Variants in P4HA2 observed in about 807,000 individuals in gnomAD.
P4HA2 encodes the protein prolyl 4-hydroxylase subunit alpha 2, also known as prolyl 4-hydroxylase subunit alpha-2.
P4HA2 carries 46 observed loss-of-function variants against 76.9 expected under a neutral mutation model. The ratio of observed to expected loss-of-function variants is 0.60; its 90% CI spans 0.47 to 0.76. The LOEUF is 0.76. Among genes scored for constraint, P4HA2 ranks in the 30% least tolerant of loss-of-function variants. P4HA2 has a pLI of 0.00. For synonymous variants in P4HA2, 243 were observed against 254.0 expected (o/e 0.96, Z 0.41); for missense variants, 583 against 669.4 (o/e 0.87, Z 1.42).
chr5:132,219,926 A>G (rs1379054469), intron 1 of P4HA2, among the ~76,000 whole-genome samples: 1 of 152,214 alleles, frequency 6.6e-6, no homozygotes, highest in Non-Finnish European at 1.5e-5. Flanking sequence ...CTCTATCAGA[A>G]GGAAAGCATA....
chr5:132,211,006 G>C (rs1753010329), intron 5 of P4HA2, among the ~76,000 whole-genome samples: 1 of 151,942 alleles, frequency 6.6e-6, no homozygotes, highest in Admixed American at 6.5e-5. Context: ...ACTAAGGCCA[G>C]AGCTCCAGGG....
At chr5:132,210,253 C>A in intron 6 of P4HA2, 31 bp downstream of exon 6, 1 of 1,612,780 alleles carries the variant, frequency 6.2e-7, no homozygotes, top group Non-Finnish European at 8.5e-7. Context: ...ACTCTCCATT[C>A]CCATCTTACC....
intron 12 of P4HA2, chr5:132,195,823 C>T: frequency 2.7e-6 from 1 of 364,168 alleles, no homozygotes; most frequent in Non-Finnish European, 5.2e-6. Context: ...TTGGCCTTGC[C>T]TAAGCCACTG....
At chr5:132,223,664 T>C (rs1460321112) in intron 1 of P4HA2, among the ~76,000 whole-genome samples, 2 of 152,238 alleles carry the variant, frequency 1.3e-5, no homozygotes, top group Non-Finnish European at 2.9e-5. Flanking sequence ...CCTGGGAACA[T>C]AGTCTGAGAT....
At position 132,210,626 on chromosome 5, in the gene P4HA2, C is replaced by A. The variant is rs58877574; in HGVS notation, c.470-103G>T. The A allele has an allele frequency of 3.3e-5, 36 of 1,096,544 alleles. No homozygotes were observed. In the African/African-American group the frequency reaches 4.9e-4, roughly 15 times the overall value. The allele number at this position is 1,096,544 out of a possible 1,614,324, so 67.9% of individuals were successfully genotyped here. A position where few individuals can be genotyped will look rare whatever the true frequency, so the allele number is the denominator to read the frequency against. ...CTGAGCCACTGGATAGGGGGCATCACCAAGCAGAACTCCATCGGACATTTA... is the reference window on the plus strand; with the variant it reads ...CTGAGCCACTGGATAGGGGGCATCAACAAGCAGAACTCCATCGGACATTTA... On this transcript the variant is annotated intron_variant, in intron 5 of 14. Transcript: ENST00000360568.
intron 2 of P4HA2, 103 bp downstream of exon 2, chr5:132,218,442 T>C (rs1014935703): frequency 2.7e-6 from 2 of 742,716 alleles, no homozygotes; most frequent in Non-Finnish European, 4.6e-6. Flanking sequence ...CCAAAACCAG[T>C]AGTTAAGGCT....
chr5:132,203,341 G>A (rs1751771382), intron 10 of P4HA2: 1 of 175,758 alleles, frequency 5.7e-6, no homozygotes, highest in South Asian at 1.4e-4. Context: ...TTCAGCAGGA[G>A]AAAACACACA....
In P4HA2 at chr5:132,195,451, G is replaced by A. The variant is rs144114714; in HGVS notation, c.1395C>T (p.Thr465=). 12 of 1,613,354 alleles carry A rather than the reference G, an allele frequency of 7.4e-6. No homozygotes were observed. Among genetic ancestry groups the A allele is most frequent in the African/African-American group, 6.7e-5 (5 of 75,000 alleles). Residue 465 remains threonine (T), a synonymous_variant, in exon 13 of 15, where the codon ACC becomes ACT. Transcript: ENST00000360568. ...TTGCAGCCCCCAGATCAGGGAAGAC[G>A]GTGGCACCACCAGCTTCTACATCAC... ...YMSDVEAGGA[T]VFPDLGAAIW...
intron 2 of P4HA2, 42 bp from the exon 3 acceptor site, chr5:132,217,890 G>A: frequency 8.2e-7 from 1 of 1,219,966 alleles, no homozygotes; most frequent in Non-Finnish European, 1.2e-6. Context: ...AAACAGATGA[G>A]GGATGTCCAG....
intron 5 of P4HA2, among the ~76,000 whole-genome samples, chr5:132,211,186 G>A (rs1753038483): frequency 6.6e-6 from 1 of 152,238 alleles, no homozygotes; most frequent in South Asian, 2.1e-4. Context: ...TATCAGTTCA[G>A]TGGGTCTTAT....
Position 132,192,818 on chromosome 5 carries a change from T to C in P4HA2, c.*192A>G, listed in dbSNP as rs1001563728. On this transcript the variant is annotated 3_prime_UTR_variant, in exon 15 of 15. Transcript: ENST00000360568. Reference sequence around the variant, plus strand: ...TTGATCCTAGCCTTGGGGCCAGGGATGGCACAGGCTGAATGGAAGGGCTGG... The same window carrying C: ...TTGATCCTAGCCTTGGGGCCAGGGACGGCACAGGCTGAATGGAAGGGCTGG... The C allele has an allele frequency of 7.2e-6, 4 of 554,054 alleles. No individual in the cohort carries two copies. The South Asian group carries it at 7.9e-5, about 11-fold the overall frequency. The allele number at this position is 554,054 out of a possible 1,614,324, so 34.3% of individuals were successfully genotyped here.
Position 132,195,554 on chromosome 5 carries a change from C to T in P4HA2, c.1366-74G>A, listed in dbSNP as rs1479103826. 4.4e-6 allele frequency: 5 copies of T among 1,126,940 alleles called. No homozygotes were observed. In the East Asian group the frequency reaches 1.2e-4, roughly 27 times the overall value. The allele number at this position is 1,126,940 out of a possible 1,614,324, so 69.8% of individuals were successfully genotyped here. Reference sequence around the variant, plus strand: ...AGCAATTGAGCCACAAAGGACATGACAAGGTATATAGATTGCCCTCCTCTC... The same window carrying T: ...AGCAATTGAGCCACAAAGGACATGATAAGGTATATAGATTGCCCTCCTCTC... On this transcript the variant is annotated intron_variant, in intron 12 of 14. Coordinates refer to ENST00000360568, the MANE Select transcript of P4HA2 (RefSeq NM_001017974.2).
chr5:132,223,366 G>A (rs1271621190), intron 1 of P4HA2, among the ~76,000 whole-genome samples: 3 of 152,176 alleles, frequency 2.0e-5, no homozygotes, highest in Admixed American at 2.0e-4. Flanking sequence ...AGGTTCAAGG[G>A]ATTCTCCTGC....
In P4HA2 at chr5:132,198,890, C is replaced by T. The variant is rs1283527456; in HGVS notation, c.1294G>A (p.Asp432Asn). Residue 432 changes from aspartate to asparagine, a missense_variant, in exon 11 of 15, where the codon GAC becomes AAC. Physicochemically the swap from Asp to Asn is conservative, Grantham distance 23. Coordinates refer to ENST00000360568, the MANE Select transcript of P4HA2 (RefSeq NM_001017974.2). ...GVGGQYEPHF[D>N]FSRRPFDSGL... ...GATTTAGGCCTTACCCTAGAGAAGT[C>T]GAAGTGCGGTTCATACTGTCCTCCC... 4.3e-6 allele frequency: 7 copies of T among 1,611,776 alleles called. No homozygotes were observed. Among genetic ancestry groups the T allele is most frequent in the South Asian group, 1.1e-5 (1 of 91,032 alleles).
rs1233405888 is a variant in P4HA2, at chr5:132,192,952, G to C, written c.*58C>G. ...GGAACATACAAAGGAACATACAAAG[G>C]TGTCTGTCACGTTGACATGGGCTGA... is the stretch of plus-strand genomic sequence containing the variant. On this transcript the variant is annotated 3_prime_UTR_variant, in exon 15 of 15. Transcript: ENST00000360568. 1 of 1,053,814 alleles carries C rather than the reference G, an allele frequency of 9.5e-7. No homozygotes were observed. Among genetic ancestry groups the C allele is most frequent in the African/African-American group, 1.6e-5 (1 of 64,046 alleles). 65.3% of individuals were successfully genotyped at this position (1,053,814 alleles called of 1,614,324 possible).
At chr5:132,214,100 A>G in intron 4 of P4HA2, 47 bp from the exon 5 acceptor site, 1 of 1,596,256 alleles carries the variant, frequency 6.3e-7, no homozygotes, top group Non-Finnish European at 8.6e-7. Context: ...ATCCAGGGGC[A>G]GAATTCCACT....
Position 132,210,403 on chromosome 5 carries a change from T to C in P4HA2, c.590A>G (p.Asp197Gly). Residue 197 changes from aspartate to glycine, a missense_variant, in exon 6 of 15, where the codon GAT becomes GGT. Physicochemically the swap from Asp to Gly is moderately conservative, Grantham distance 94. Transcript: ENST00000360568. ...GGTTGTGGTGGCCTCCTCCCCGGCA[T>C]CAAGCTGCTTTAGCACCTGCTCCAT... ...LWMEQVLKQLDAGEEATTTKS... is the reference protein window; with the variant it reads ...LWMEQVLKQLGAGEEATTTKS... 1 of 1,614,166 alleles carries C rather than the reference T, an allele frequency of 6.2e-7. No homozygotes were observed. Among genetic ancestry groups the C allele is most frequent in the Non-Finnish European group, 8.5e-7 (1 of 1,180,026 alleles).
Position 132,214,172 on chromosome 5 carries a change from C to A in P4HA2, c.332-119G>T, listed in dbSNP as rs537767620. ...CTAGTGAAATTTCCCCGCCCCCTCCCTCAAAGGCTGTTGCCCCCTTCCACC... is the reference window on the plus strand; with the variant it reads ...CTAGTGAAATTTCCCCGCCCCCTCCATCAAAGGCTGTTGCCCCCTTCCACC... On this transcript the variant is annotated intron_variant, in intron 4 of 14. Transcript: ENST00000360568. 37 of 983,704 alleles carry A rather than the reference C, an allele frequency of 3.8e-5. No homozygotes were observed. In the Admixed American group the frequency reaches 8.6e-4, roughly 23 times the overall value. The allele number at this position is 983,704 out of a possible 1,614,324, so 60.9% of individuals were successfully genotyped here.
chr5:132,192,908 T>G lies in P4HA2; in HGVS notation c.*102A>C, dbSNP rs1386724425. On this transcript the variant is annotated 3_prime_UTR_variant, in exon 15 of 15. Transcript: ENST00000360568. ...TCTGCTCCAGACAAACATTCATTTC[T>G]CCAAAAATCAGCCTGATAGGAACAT... is the stretch of plus-strand genomic sequence containing the variant. The G allele has an allele frequency of 1.3e-6, 1 of 799,338 alleles. No homozygotes were observed. Among genetic ancestry groups the G allele is most frequent in the Non-Finnish European group, 2.2e-6 (1 of 450,032 alleles). 49.5% of individuals were successfully genotyped at this position (799,338 alleles called of 1,614,324 possible).
Sources: allele counts gnomAD v4.1 joint callset (sites outside exome capture counted in the v4.1 genomes callset), GRCh38; gene constraint gnomAD v4.1.1; transcripts MANE v1.5; gene names NCBI Gene and HGNC (gene_info 2026-07-23, HGNC 2026-07-21).